Variants in MRPS6 observed in about 807,000 individuals in gnomAD.
MRPS6 encodes the protein small ribosomal subunit protein bS6m.
In MRPS6, 6 loss-of-function variants were observed where a neutral mutation model predicts 13.1. The ratio of observed to expected loss-of-function variants is 0.46; its 90% confidence interval spans 0.25 to 0.91. The LOEUF is 0.91. MRPS6 is among the 40% of genes least tolerant of loss of function. The pLI, the probability that MRPS6 is intolerant of heterozygous loss-of-function variation, is 0.18. For synonymous variants in MRPS6, 61 were observed against 56.5 expected, an observed-to-expected ratio of 1.08 and a Z score of -0.36; for missense variants, 164 against 155.6, an observed-to-expected ratio of 1.05 and a Z score of -0.29.
intron 1 of MRPS6, among the ~76,000 whole-genome samples, chr21:34,092,048 A>G (rs972326644): frequency 6.6e-6 from 1 of 152,142 alleles, no homozygotes; most frequent in Admixed American, 6.5e-5. Flanking sequence ...GTGTATTCTT[A>G]TAAAAATAAG....
At chr21:34,122,565 TAC>T (rs2148668087) in intron 1 of MRPS6, 1 of 152,334 alleles carries the variant, frequency 6.6e-6, no homozygotes, top group South Asian at 2.1e-4. Flanking sequence ...TATAAGCTCT[TAC>T]TTCAGAAGAG....
intron 1 of MRPS6, among the ~76,000 whole-genome samples, chr21:34,079,632 T>A (rs899306531): frequency 1.1e-3 from 91 of 85,336 alleles, no homozygotes; most frequent in Non-Finnish European, 1.9e-3. Context: ...TTTTTTTTTT[T>A]TAGTAGAGAT....
chr21:34,107,969 A>G (rs537488058), intron 1 of MRPS6, among the ~76,000 whole-genome samples: 1 of 152,324 alleles, frequency 6.6e-6, no homozygotes, highest in African/African-American at 2.4e-5. Flanking sequence ...AGTGTACAGA[A>G]CTAGGAAATA....
At chr21:34,100,484 C>T in intron 1 of MRPS6, 6 of 1,000,192 alleles carry the variant, frequency 6.0e-6, no homozygotes, top group Non-Finnish European at 7.2e-6. Flanking sequence ...GTGCTGTGTC[C>T]TTCGGCCTAA....
chr21:34,116,034 G>T (rs770221837), intron 1 of MRPS6, among the ~76,000 whole-genome samples: 27 of 151,986 alleles, frequency 1.8e-4, no homozygotes, highest in South Asian at 4.2e-4. Flanking sequence ...CCCCGACAGG[G>T]TTTCACTCTG....
intron 2 of MRPS6, among the ~76,000 whole-genome samples, chr21:34,126,478 C>A (rs1334913729): frequency 6.6e-6 from 1 of 152,218 alleles, no homozygotes; most frequent in Non-Finnish European, 1.5e-5. Flanking sequence ...TAGTGTTCAG[C>A]TTCTTGAGAA....
chr21:34,120,831 A>T (rs1452806973), intron 1 of MRPS6, among the ~76,000 whole-genome samples: 1 of 152,176 alleles, frequency 6.6e-6, no homozygotes, highest in Admixed American at 6.5e-5. Flanking sequence ...AAATGGGAAA[A>T]CATTAGTATT....
intron 2 of MRPS6, 139 bp downstream of exon 2, chr21:34,125,619 C>G: frequency 7.7e-7 from 1 of 1,298,820 alleles, no homozygotes; most frequent in South Asian, 1.6e-5. Context: ...CACACTCTGG[C>G]AGTCTTGTGT....
chr21:34,142,502 G>A lies in MRPS6; in HGVS notation c.280G>A (p.Val94Ile). The A allele has an allele frequency of 1.9e-6, 3 of 1,613,344 alleles. No individual in the cohort carries two copies. The highest frequency in any genetic ancestry group is 1.7e-4 in the Middle Eastern group (1 of 6,050). ...TATAGATGTGATTAGAGGGAATATT[G>A]TCAAACACCCTCTGACCCAGGAACT... The part of the protein sequence containing the change: ...RDIDVIRGNI[V>I]KHPLTQELKE... The change falls in exon 3 of 3, where the codon GTC becomes ATC. Residue 94 changes from valine to isoleucine, a missense_variant. By Grantham distance (29) the Val-to-Ile change is conservative. Transcript: ENST00000399312.
intron 1 of MRPS6, chr21:34,101,965 GT>G: frequency 1.0e-6 from 1 of 999,902 alleles, no homozygotes; most frequent in Non-Finnish European, 1.2e-6. Flanking sequence ...TGCCAAAAAG[GT>G]TTTTTTGCAG....
chr21:34,127,355 G>A (rs1436653390), intron 2 of MRPS6, among the ~76,000 whole-genome samples: 1 of 152,148 alleles, frequency 6.6e-6, no homozygotes, highest in Admixed American at 6.5e-5. Flanking sequence ...CGCTAATTCC[G>A]TAGAGATGCT....
chr21:34,123,306 T>G (rs1013252426), intron 1 of MRPS6: 3 of 152,170 alleles, frequency 2.0e-5, no homozygotes, highest in Non-Finnish European at 4.4e-5. Flanking sequence ...GATCCCCAAA[T>G]GAACCTCTGG....
chr21:34,099,044 AT>A (rs1406909593), intron 1 of MRPS6: 1 of 990,970 alleles, frequency 1.0e-6, no homozygotes, highest in African/African-American at 1.8e-5. Flanking sequence ...GATGGACTTG[AT>A]TAGTCCAAAG....
chr21:34,106,946 G>C (rs79058467), intron 1 of MRPS6, among the ~76,000 whole-genome samples: 1 of 151,774 alleles, frequency 6.6e-6, no homozygotes, highest in Admixed American at 6.6e-5. Context: ...TTTGGCGGTG[G>C]AGGGGAAATG....
Position 34,142,443 on chromosome 21 carries a change from C to A in MRPS6, c.221C>A (p.Ala74Asp). The stretch of plus-strand genomic sequence containing the variant: ...GTGGATTTTTATGCACCCACCGCAG[C>A]TGTTGAAAGCATGGTGGAGCACTTG... ...FLVDFYAPTA[A>D]VESMVEHLSR... is the part of the protein sequence containing the mutation. Residue 74 changes from alanine to aspartate, a missense_variant, in exon 3 of 3, where the codon GCT (alanine) becomes GAT (aspartate). Physicochemically the swap from Ala to Asp is moderately radical, Grantham distance 126 (BLOSUM62 -2). Coordinates refer to ENST00000399312, the MANE Select transcript of MRPS6 (RefSeq NM_032476.4). 6.3e-7 allele frequency: 1 copy of A among 1,595,752 alleles called. No homozygotes were observed. The highest frequency in any genetic ancestry group is 8.5e-7 in the Non-Finnish European group (1 of 1,172,752).
intron 1 of MRPS6, chr21:34,104,694 G>T (rs1979399564): frequency 2.0e-6 from 2 of 1,000,078 alleles, no homozygotes; most frequent in Admixed American, 6.1e-5. Context: ...CCTCAGGCCT[G>T]GGGGGATGAG....
chr21:34,102,860 A>G (rs1338362279), intron 1 of MRPS6: 10 of 999,928 alleles, frequency 1.0e-5, no homozygotes, highest in East Asian at 1.1e-4. Context: ...AGCTCTATCA[A>G]TAAGAGGAAT....
At chr21:34,091,230 C>T (rs893634145) in intron 1 of MRPS6, among the ~76,000 whole-genome samples, 2 of 142,488 alleles carry the variant, frequency 1.4e-5, no homozygotes, top group Admixed American at 7.2e-5. Context: ...TGTTTGGTCA[C>T]GTTTAAGATT....
intron 1 of MRPS6, among the ~76,000 whole-genome samples, chr21:34,074,359 T>A (rs1251816322): frequency 6.6e-6 from 1 of 152,268 alleles, no homozygotes; most frequent in Non-Finnish European, 1.5e-5. Flanking sequence ...TTTCTTTTTC[T>A]GACTTCAGCG....
Sources: gnomAD v4.1 joint callset for allele counts (sites outside exome capture counted in the v4.1 genomes callset) on GRCh38, gnomAD v4.1.1 for gene constraint, MANE v1.5 for transcripts, NCBI Gene and HGNC (gene_info 2026-07-23, HGNC 2026-07-21) for gene names.